Variants in MDFIC2 observed in about 807,000 individuals in gnomAD.
MDFIC2 encodes the protein myoD family inhibitor domain-containing protein 2.
chr3:70,311,788 C>T (rs1380249196), intron 2 of MDFIC2, 98 bp downstream of exon 2: 8 of 389,062 alleles, frequency 2.1e-5, no homozygotes, highest in African/African-American at 1.2e-4. Context: ...ACTATTTGAA[C>T]GGTCAGGACA....
chr3:70,216,321 TTA>T (rs144981154), intron 2 of MDFIC2, among the ~76,000 whole-genome samples: 13 of 149,842 alleles, frequency 8.7e-5, no homozygotes, highest in South Asian at 2.1e-4. Flanking sequence ...TAATTATAAT[TTA>T]TATATATATA....
chr3:70,254,219 T>A (rs2106654819), intron 2 of MDFIC2, among the ~76,000 whole-genome samples: 1 of 152,318 alleles, frequency 6.6e-6, no homozygotes, highest in Non-Finnish European at 1.5e-5. Flanking sequence ...TTAACAGCTG[T>A]GAAGTCTGCA....
rs1701178453 is a variant in MDFIC2 at position 70,196,248 on chromosome 3, C to T, written c.*678G>A. On this transcript the variant is annotated 3_prime_UTR_variant, in exon 4 of 4. Transcript: ENST00000567252. ...TATGAATAACCTGTTATGACATAGT[C>T]ATAGACATACAATAATATGGTCTAG... Among the ~76,000 whole-genome samples, 1 of 152,124 alleles carries T rather than the reference C, an allele frequency of 6.6e-6. No individual in the cohort carries two copies. Among genetic ancestry groups the T allele is most frequent in the South Asian group, 2.1e-4 (1 of 4,834 alleles).
chr3:70,224,997 T>A (rs552323357), intron 2 of MDFIC2, among the ~76,000 whole-genome samples: 1 of 152,298 alleles, frequency 6.6e-6, no homozygotes, highest in South Asian at 2.1e-4. Flanking sequence ...GACATGACAA[T>A]GTTGATACGT....
chr3:70,267,218 A>G (rs1701923953), intron 2 of MDFIC2, among the ~76,000 whole-genome samples: 1 of 152,076 alleles, frequency 6.6e-6, no homozygotes, highest in South Asian at 2.1e-4. Context: ...ACAGTAAAAG[A>G]AGTCTCATTT....
chr3:70,226,028 G>A (rs1701503348), intron 2 of MDFIC2, among the ~76,000 whole-genome samples: 2 of 151,990 alleles, frequency 1.3e-5, no homozygotes, highest in Admixed American at 1.3e-4. Flanking sequence ...GAAGAATATG[G>A]TAGGCATTTT....
intron 2 of MDFIC2, among the ~76,000 whole-genome samples, chr3:70,215,454 G>A (rs1429302204): frequency 6.6e-6 from 1 of 151,988 alleles, no homozygotes; most frequent in East Asian, 1.9e-4. Context: ...TTGATTAGGA[G>A]GTACTTTTTA....
chr3:70,260,074 G>T (rs909421886), intron 2 of MDFIC2, among the ~76,000 whole-genome samples: 1 of 152,162 alleles, frequency 6.6e-6, no homozygotes, highest in African/African-American at 2.4e-5. Context: ...TGAGATTTGG[G>T]TGGGGACACA....
At position 70,194,981 on chromosome 3, in the gene MDFIC2, G is replaced by A. The variant is rs746354103; in HGVS notation, c.*1945C>T. ...CAACTGTTGATGAGTCAGTCTGGTA[G>A]TGTTTTAGTATTTTAACAATTGTAA... On this transcript the variant is annotated 3_prime_UTR_variant, in exon 4 of 4. Coordinates refer to ENST00000567252, the MANE Select transcript of MDFIC2 (RefSeq NM_001364677.1). Among the ~76,000 whole-genome samples, 7 of 152,130 alleles carry A rather than the reference G, an allele frequency of 4.6e-5. No individual in the cohort carries two copies. Among genetic ancestry groups the A allele is most frequent in the Admixed American group, 2.0e-4 (3 of 15,280 alleles).
At chr3:70,233,847 G>A (rs1023827000) in intron 2 of MDFIC2, among the ~76,000 whole-genome samples, 20 of 152,210 alleles carry the variant, frequency 1.3e-4, no homozygotes, top group African/African-American at 4.6e-4. Context: ...GTAATATTTA[G>A]TTGCATGAAT....
intron 2 of MDFIC2, among the ~76,000 whole-genome samples, chr3:70,301,854 T>C (rs957356605): frequency 2.6e-5 from 4 of 152,152 alleles, no homozygotes; most frequent in Admixed American, 6.6e-5. Context: ...CTATCTATAA[T>C]GCTGAATTTT....
intron 2 of MDFIC2, among the ~76,000 whole-genome samples, chr3:70,222,971 T>A (rs1446185415): frequency 6.6e-6 from 1 of 152,202 alleles, no homozygotes; most frequent in East Asian, 1.9e-4. Context: ...GGAGTGCTTG[T>A]TGAAACACAT....
At chr3:70,264,492 A>G (rs759335718) in intron 2 of MDFIC2, among the ~76,000 whole-genome samples, 1 of 152,266 alleles carries the variant, frequency 6.6e-6, no homozygotes, top group Non-Finnish European at 1.5e-5. Context: ...CATGACCAGC[A>G]TATTCTCTCC....
intron 2 of MDFIC2, among the ~76,000 whole-genome samples, chr3:70,232,189 T>TCTG (rs1701565898): frequency 6.6e-6 from 1 of 152,292 alleles, no homozygotes; most frequent in African/African-American, 2.4e-5. Flanking sequence ...TAAATATTGA[T>TCTG]CTGCTCTGTG....
Position 70,195,289 on chromosome 3 carries a change from G to A in MDFIC2, c.*1637C>T, listed in dbSNP as rs1330141977. 6.6e-6 allele frequency among the ~76,000 whole-genome samples: 1 copy of A among 152,116 alleles called. No individual in the cohort carries two copies. The highest frequency in any genetic ancestry group is 1.9e-4 in the East Asian group (1 of 5,196). On this transcript the variant is annotated 3_prime_UTR_variant, in exon 4 of 4. Transcript: ENST00000567252. The stretch of plus-strand genomic sequence containing the variant: ...TGTTTCTTCGAGCTTCTGAAAAGCA[G>A]AAAGACTTTTTCATGGAAGGTGTGG...
At chr3:70,228,757 T>G (rs1701532077) in intron 2 of MDFIC2, among the ~76,000 whole-genome samples, 1 of 151,794 alleles carries the variant, frequency 6.6e-6, no homozygotes, top group South Asian at 2.1e-4. Context: ...TTTTTTTTAC[T>G]AACAACAGTC....
At chr3:70,235,196 C>T (rs1470037258) in intron 2 of MDFIC2, among the ~76,000 whole-genome samples, 1 of 152,168 alleles carries the variant, frequency 6.6e-6, no homozygotes, top group African/African-American at 2.4e-5. Context: ...TTACCATCCA[C>T]AAAAGATGTG....
rs1208311557 is a variant in MDFIC2, at chr3:70,195,514, T to C, written c.*1412A>G. ...TTTATTTCAAATTGGAAAAATGTGCTAGTTTGCTACAGAAATAAAGCAAAT... is the reference window on the plus strand; with the variant it reads ...TTTATTTCAAATTGGAAAAATGTGCCAGTTTGCTACAGAAATAAAGCAAAT... On this transcript the variant is annotated 3_prime_UTR_variant, in exon 4 of 4. Coordinates refer to ENST00000567252, the MANE Select transcript of MDFIC2 (RefSeq NM_001364677.1). Among the ~76,000 whole-genome samples, 1 of 152,228 alleles carries C rather than the reference T, an allele frequency of 6.6e-6. No homozygotes were observed. The highest frequency in any genetic ancestry group is 1.5e-5 in the Non-Finnish European group (1 of 68,040).
intron 2 of MDFIC2, among the ~76,000 whole-genome samples, chr3:70,232,626 C>A (rs1701571308): frequency 6.6e-6 from 1 of 152,014 alleles, no homozygotes; most frequent in Admixed American, 6.6e-5. Flanking sequence ...TCTCAATCTC[C>A]TGAGCTCGTG....
Sources: allele counts gnomAD v4.1 joint callset (sites outside exome capture counted in the v4.1 genomes callset), GRCh38; gene constraint gnomAD v4.1.1; transcripts MANE v1.5; gene names NCBI Gene and HGNC (gene_info 2026-07-23, HGNC 2026-07-21).